Variants in TTC6 observed in about 807,000 individuals in gnomAD.
The protein encoded by TTC6 is tetratricopeptide repeat domain 6, also known as tetratricopeptide repeat protein 6.
Under a neutral mutation model 210.4 loss-of-function variants are expected in TTC6, and 172 were observed. That is an observed-to-expected ratio of 0.82 (90% confidence interval 0.72 to 0.93). The LOEUF is 0.93. Ranked by LOEUF, TTC6 falls within the 40% of genes least tolerant of loss-of-function variation. The pLI is 0.00. For missense variants in TTC6, 2,414 were observed against 2,318.1 expected (o/e 1.04, Z -0.85); for synonymous variants, 804 against 819.6 (o/e 0.98, Z 0.32).
intron 14 of TTC6, among the ~76,000 whole-genome samples, chr14:37,769,274 G>A (rs1296783211): frequency 6.6e-6 from 1 of 151,604 alleles, no homozygotes; most frequent in Non-Finnish European, 1.5e-5. Context: ...TTTTTTGATT[G>A]TGTCTCTGCC....
chr14:37,625,727 T>G (rs1400401208), intron 1 of TTC6, among the ~76,000 whole-genome samples: 1 of 152,140 alleles, frequency 6.6e-6, no homozygotes, highest in Non-Finnish European at 1.5e-5. Context: ...AAATCATAAC[T>G]TGCAGCCACA....
chr14:37,766,910 C>T (rs530425428), intron 14 of TTC6, among the ~76,000 whole-genome samples: 2 of 152,182 alleles, frequency 1.3e-5, no homozygotes, highest in African/African-American at 4.8e-5. Flanking sequence ...ACTAACTCGT[C>T]ATCTAGCATT....
chr14:37,756,113 T>A (rs1027761635), intron 14 of TTC6, among the ~76,000 whole-genome samples: 6 of 152,216 alleles, frequency 3.9e-5, no homozygotes, highest in Admixed American at 1.3e-4. Flanking sequence ...TTTGTAGCAA[T>A]TGTGAATGGG....
chr14:37,781,872 A>G (rs2096055815), intron 14 of TTC6, among the ~76,000 whole-genome samples: 1 of 152,152 alleles, frequency 6.6e-6, no homozygotes, highest in Non-Finnish European at 1.5e-5. Context: ...AGCACCATTT[A>G]TTAAGTGGGG....
chr14:37,686,454 C>A (rs1003802470), intron 3 of TTC6, among the ~76,000 whole-genome samples: 2 of 152,204 alleles, frequency 1.3e-5, no homozygotes, highest in African/African-American at 4.8e-5. Flanking sequence ...GGATGCACAA[C>A]TAGTACATGG....
intron 20 of TTC6, among the ~76,000 whole-genome samples, chr14:37,797,362 G>A (rs1256168791): frequency 6.6e-6 from 1 of 151,896 alleles, no homozygotes; most frequent in East Asian, 1.9e-4. Flanking sequence ...TTGCCAATTT[G>A]GTGGATAAAA....
At chr14:37,734,492 C>T (rs1434736672) in intron 7 of TTC6, among the ~76,000 whole-genome samples, 3 of 152,222 alleles carry the variant, frequency 2.0e-5, no homozygotes, top group South Asian at 2.1e-4. Context: ...GATTTTGGCT[C>T]GTCTTTTCAT....
intron 3 of TTC6, among the ~76,000 whole-genome samples, chr14:37,690,521 A>G (rs1336123524): frequency 6.6e-6 from 1 of 152,178 alleles, no homozygotes; most frequent in Non-Finnish European, 1.5e-5. Context: ...GACTGAAAAT[A>G]CAGGGATGGA....
intron 3 of TTC6, among the ~76,000 whole-genome samples, chr14:37,692,058 G>A (rs972518842): frequency 1.3e-5 from 2 of 151,364 alleles, no homozygotes; most frequent in East Asian, 1.9e-4. Context: ...GTAAAGAAAA[G>A]CCTGGGACCC....
At chr14:37,687,249 C>T (rs1266933259) in intron 3 of TTC6, among the ~76,000 whole-genome samples, 1 of 152,118 alleles carries the variant, frequency 6.6e-6, no homozygotes, top group African/African-American at 2.4e-5. Context: ...CTTAACCAAA[C>T]TCAGCTGGTG....
intron 5 of TTC6, among the ~76,000 whole-genome samples, chr14:37,708,006 G>A (rs1048386147): frequency 7.2e-5 from 11 of 151,972 alleles, no homozygotes; most frequent in Admixed American, 6.6e-5. Context: ...CTCTGTGATC[G>A]TTAAAAATAT....
chr14:37,661,707 G>T (rs2095737711), intron 1 of TTC6, among the ~76,000 whole-genome samples: 3 of 152,180 alleles, frequency 2.0e-5, no homozygotes, highest in Middle Eastern at 3.4e-3. Context: ...ATTCTGTGAA[G>T]AATTTCAATG....
intron 29 of TTC6, among the ~76,000 whole-genome samples, chr14:37,835,494 T>A (rs942877423): frequency 6.6e-6 from 1 of 152,140 alleles, no homozygotes; most frequent in Non-Finnish European, 1.5e-5. Context: ...GATGTGGCCC[T>A]TGATGGGAGC....
intron 7 of TTC6, among the ~76,000 whole-genome samples, chr14:37,732,775 G>T (rs12882287): frequency 4.0e-5 from 5 of 123,680 alleles, no homozygotes; most frequent in Non-Finnish European, 7.9e-5. Flanking sequence ...CCGCCACCAC[G>T]CCCAGCTAAT....
chr14:37,759,212 G>A (rs1482112284), intron 14 of TTC6, among the ~76,000 whole-genome samples: 11 of 149,290 alleles, frequency 7.4e-5, no homozygotes, highest in African/African-American at 2.7e-4. Flanking sequence ...GCAATGAGCC[G>A]AGATCGCACC....
At chr14:37,712,243 CT>C (rs1555389986) in intron 5 of TTC6, among the ~76,000 whole-genome samples, 2 of 152,130 alleles carry the variant, frequency 1.3e-5, no homozygotes, top group Non-Finnish European at 2.9e-5. Context: ...TTGTAAATGA[CT>C]TTTACTATCC....
intron 8 of TTC6, 151 bp from the exon 11 acceptor site, chr14:37,737,509 G>T (rs898472601): frequency 1.3e-5 from 6 of 468,834 alleles, no homozygotes; most frequent in Admixed American, 4.1e-5. Context: ...TCTATATAAA[G>T]TCAGTGACTT....
At chr14:37,796,425 A>G (rs2096092835) in intron 19 of TTC6, 55 bp downstream of exon 21, 2 of 744,372 alleles carry the variant, frequency 2.7e-6, no homozygotes, top group Non-Finnish European at 2.1e-6. Flanking sequence ...TTTTTATGCT[A>G]TTTTGCAATA....
At chr14:37,769,182 T>C (rs932475367) in intron 14 of TTC6, among the ~76,000 whole-genome samples, 2 of 151,856 alleles carry the variant, frequency 1.3e-5, no homozygotes, top group Admixed American at 1.3e-4. Flanking sequence ...AGCTTTTTGA[T>C]GTGCTGCTGG....
Sources: gnomAD v4.1 joint callset for allele counts (sites outside exome capture counted in the v4.1 genomes callset) on GRCh38, gnomAD v4.1.1 for gene constraint, MANE v1.5 for transcripts, NCBI Gene and HGNC (gene_info 2026-07-23, HGNC 2026-07-21) for gene names.